RBM20: variants seen among roughly 807,000 people sequenced by gnomAD.
RBM20 encodes the protein RNA binding motif protein 20.
RBM20 carries 51 observed loss-of-function variants against 110.1 expected under a neutral mutation model. That is an observed-to-expected ratio of 0.46 (90% CI 0.37 to 0.59). The LOEUF is 0.59. Among genes scored for constraint, RBM20 ranks in the 20% least tolerant of loss-of-function variants. RBM20 has a pLI of 0.00. For missense variants in RBM20, 1,512 were observed against 1,574.9 expected (o/e 0.96, Z 0.68); for synonymous variants, 589 against 618.2 (o/e 0.95, Z 0.70).
chr10:110,821,966 C>T (rs1166334904), intron 11 of RBM20, 31 bp downstream of exon 11: 44 of 1,546,064 alleles, frequency 2.8e-5, no homozygotes, highest in East Asian at 2.4e-4. Flanking sequence ...CACGGGTGGT[C>T]GGGTTGATTG....
intron 1 of RBM20, among the ~76,000 whole-genome samples, chr10:110,758,299 G>A (rs930502753): frequency 1.3e-5 from 2 of 152,016 alleles, no homozygotes; most frequent in African/African-American, 2.4e-5. Flanking sequence ...TTACATACGT[G>A]AGCCACTGTG....
At chr10:110,773,634 G>A (rs1256157106) in intron 1 of RBM20, among the ~76,000 whole-genome samples, 4 of 152,178 alleles carry the variant, frequency 2.6e-5, no homozygotes, top group Non-Finnish European at 5.9e-5. Context: ...TATGGGACTC[G>A]TTAGTTAAGT....
At position 110,837,205 on chromosome 10, in the gene RBM20, T is replaced by C. The variant is rs1845143067; in HGVS notation, c.*1227T>C. The C allele has an allele frequency of 6.6e-6, 1 of 152,234 alleles. No individual in the cohort carries two copies. Among genetic ancestry groups the C allele is most frequent in the East Asian group, 1.9e-4 (1 of 5,198 alleles). The allele number at this position is 152,234 out of a possible 1,614,324, so 9.4% of individuals were successfully genotyped here. A position where few individuals can be genotyped will look rare whatever the true frequency, so the allele number is the denominator to read the frequency against. ...TGAGGGCTCCCTGGGTTTGACTGTA[T>C]GTGCAGACTTTGATACCAAAATGTT... On this transcript the variant is annotated 3_prime_UTR_variant, in exon 14 of 14. Transcript: ENST00000369519.
intron 12 of RBM20, among the ~76,000 whole-genome samples, chr10:110,823,861 G>T (rs945146323): frequency 6.6e-6 from 1 of 151,398 alleles, no homozygotes; most frequent in East Asian, 1.9e-4. Flanking sequence ...TGGACAACAG[G>T]TACACACCAC....
At chr10:110,686,044 G>A (rs577056293) in intron 1 of RBM20, among the ~76,000 whole-genome samples, 1 of 152,172 alleles carries the variant, frequency 6.6e-6, no homozygotes, top group African/African-American at 2.4e-5. Flanking sequence ...CATCCACATT[G>A]AATAGCTGTG....
chr10:110,793,518 A>G (rs1844510372), intron 5 of RBM20, among the ~76,000 whole-genome samples: 1 of 152,246 alleles, frequency 6.6e-6, no homozygotes, highest in Non-Finnish European at 1.5e-5. Context: ...CAGCCCTCAG[A>G]ACCGGAAGAG....
chr10:110,786,614 C>A (rs1844422302), intron 5 of RBM20, among the ~76,000 whole-genome samples: 1 of 152,252 alleles, frequency 6.6e-6, no homozygotes, highest in Non-Finnish European at 1.5e-5. Context: ...CAGAGCCATG[C>A]CCAGGTCAAT....
At chr10:110,793,094 C>T (rs537758417) in intron 5 of RBM20, among the ~76,000 whole-genome samples, 41 of 152,278 alleles carry the variant, frequency 2.7e-4, no homozygotes, top group African/African-American at 8.4e-4. Flanking sequence ...CCGGAAAGGA[C>T]TTTAGACCTA....
At chr10:110,799,488 A>G (rs967829624) in intron 6 of RBM20, among the ~76,000 whole-genome samples, 12 of 152,176 alleles carry the variant, frequency 7.9e-5, no homozygotes, top group Admixed American at 5.2e-4. Context: ...CATACTCTAC[A>G]GTGCATAATG....
intron 13 of RBM20, among the ~76,000 whole-genome samples, chr10:110,832,404 A>ATTTTTTC (rs2135141557): frequency 6.6e-6 from 1 of 152,300 alleles, no homozygotes; most frequent in South Asian, 2.1e-4. Flanking sequence ...CATGAATCAG[A>ATTTTTTC]CTCATCTGGA....
chr10:110,720,833 AC>A, intron 1 of RBM20, among the ~76,000 whole-genome samples: 1 of 151,850 alleles, frequency 6.6e-6, no homozygotes, highest in East Asian at 1.9e-4. Flanking sequence ...TCTACTCAAA[AC>A]CCTCCAGACC....
At chr10:110,826,583 CTT>C (rs35918856) in intron 12 of RBM20, among the ~76,000 whole-genome samples, 72,721 of 140,654 alleles carry the variant, frequency 0.52, 18,150 homozygotes, top group East Asian at 0.63. Context: ...CATTCTTCTT[CTT>C]TTTTTTTTTT....
At position 110,838,833 on chromosome 10, in the gene RBM20, G is replaced by A. The variant is rs2135153723; in HGVS notation, c.*2855G>A. 6.6e-6 allele frequency: 1 copy of A among 152,344 alleles called. No homozygotes were observed. Among genetic ancestry groups the A allele is most frequent in the Admixed American group, 6.5e-5 (1 of 15,312 alleles). 9.4% of individuals were successfully genotyped at this position (152,344 alleles called of 1,614,324 possible). A position where few individuals can be genotyped will look rare whatever the true frequency, so the allele number is the denominator to read the frequency against. ...TAAAATCATCTAAGAGTCTATACTT[G>A]TGTGTACATACGTATTTATTTTTAT... On this transcript the variant is annotated 3_prime_UTR_variant, in exon 14 of 14. Transcript: ENST00000369519.
intron 7 of RBM20, among the ~76,000 whole-genome samples, chr10:110,802,961 T>C (rs1024734056): frequency 2.6e-5 from 4 of 152,174 alleles, no homozygotes; most frequent in African/African-American, 9.6e-5. Flanking sequence ...GGACTATACT[T>C]TGAGTTATTT....
rs915695406 is a variant in RBM20 at position 110,821,764 on chromosome 10, C to T, written c.3145C>T (p.Pro1049Ser). 6.4e-7 allele frequency: 1 copy of T among 1,551,774 alleles called. No individual in the cohort carries two copies. The highest frequency in any genetic ancestry group is 2.0e-5 in the Admixed American group (1 of 51,012). The change falls in exon 11 of 14, where the codon CCT becomes TCT. Residue 1049 changes from proline to serine, a missense_variant. Around this residue, in one of 3 missense-constraint regions of RBM20, gnomAD observed 358 missense variants for 384.2 expected, o/e 0.93. Coordinates refer to ENST00000369519, the MANE Select transcript of RBM20 (RefSeq NM_001134363.3). ...PAPTVQQMSS[P>S]KPAEERARQP... The stretch of plus-strand genomic sequence containing the variant: ...CCCTACAGTCCAGCAAATGTCTTCC[C>T]CTAAGCCAGCAGAGGAGAGGGCCCG...
At chr10:110,728,940 C>T (rs1843592208) in intron 1 of RBM20, among the ~76,000 whole-genome samples, 1 of 152,158 alleles carries the variant, frequency 6.6e-6, no homozygotes, top group African/African-American at 2.4e-5. Flanking sequence ...CCTGTCACAC[C>T]CAGGCTGTGT....
intron 1 of RBM20, among the ~76,000 whole-genome samples, chr10:110,740,400 G>A (rs952590463): frequency 2.0e-5 from 3 of 152,178 alleles, no homozygotes; most frequent in South Asian, 4.1e-4. Context: ...GGCCCCTGGG[G>A]TAGTACCAGC....
At chr10:110,731,689 TGA>T (rs1274930985) in intron 1 of RBM20, among the ~76,000 whole-genome samples, 1 of 152,266 alleles carries the variant, frequency 6.6e-6, no homozygotes, top group African/African-American at 2.4e-5. Context: ...TAGAATTTTC[TGA>T]GAGTGTGCTA....
intron 1 of RBM20, among the ~76,000 whole-genome samples, chr10:110,682,143 C>T (rs1015248101): frequency 7.9e-5 from 12 of 152,100 alleles, no homozygotes; most frequent in Non-Finnish European, 1.3e-4. Context: ...CCACCCGCCT[C>T]GGCCTCCCAA....
Sources: allele counts gnomAD v4.1 joint callset (sites outside exome capture counted in the v4.1 genomes callset), GRCh38; gene constraint gnomAD v4.1.1; regional missense constraint gnomAD v4.1.1; transcripts MANE v1.5; gene names NCBI Gene and HGNC (gene_info 2026-07-23, HGNC 2026-07-21).